Variants in EFCAB11 observed in about 807,000 individuals in gnomAD.
EFCAB11 encodes EF-hand calcium binding domain 11.
Under a neutral mutation model 23.0 loss-of-function variants are expected in EFCAB11, and 14 were observed. The observed-to-expected ratio is 0.61, with a 90% confidence interval of 0.40 to 0.95. EFCAB11 has a LOEUF of 0.95. Among genes scored for constraint, EFCAB11 ranks in the 40% least tolerant of loss-of-function variants. The pLI is 0.00. For missense variants in EFCAB11, 198 were observed against 195.8 expected, an observed-to-expected ratio of 1.01 and a Z score of -0.07; for synonymous variants, 65 against 66.6, an observed-to-expected ratio of 0.98 and a Z score of 0.11.
intron 5 of EFCAB11, among the ~76,000 whole-genome samples, chr14:89,828,414 G>A (rs1886774023): frequency 6.6e-6 from 1 of 152,072 alleles, no homozygotes; most frequent in Admixed American, 6.5e-5. Flanking sequence ...TTTTTCGTGA[G>A]AAAATACTTT....
At chr14:89,887,427 A>G (rs1888825963) in intron 5 of EFCAB11, among the ~76,000 whole-genome samples, 1 of 152,228 alleles carries the variant, frequency 6.6e-6, no homozygotes, top group Admixed American at 6.5e-5. Flanking sequence ...ACACAGGGCC[A>G]TTTATCATGT....
intron 5 of EFCAB11, among the ~76,000 whole-genome samples, chr14:89,817,994 AAAATAAAT>A (rs142381636): frequency 1.3e-5 from 2 of 150,798 alleles, no homozygotes; most frequent in South Asian, 2.1e-4. Flanking sequence ...ACTCTGTCTC[AAAATAAAT>A]AAATAAATAA....
chr14:89,925,909 AC>A (rs1239860980), intron 5 of EFCAB11, among the ~76,000 whole-genome samples: 1 of 151,624 alleles, frequency 6.6e-6, no homozygotes, highest in Non-Finnish European at 1.5e-5. Flanking sequence ...GCTCACTGCA[AC>A]CCCCGCCTCC....
In EFCAB11 at chr14:89,954,707, C is replaced by T. The variant is rs1891395637; in HGVS notation, c.-47G>A. ...CCAGCAACCCAACCAGCTACCACCG[C>T]TTTCCCAGCCTGGCTGGCAGCCTAC... is the stretch of plus-strand genomic sequence containing the variant. On this transcript the variant is annotated 5_prime_UTR_variant, in exon 1 of 6. Coordinates refer to ENST00000316738, the MANE Select transcript of EFCAB11 (RefSeq NM_145231.4). 1 of 1,587,582 alleles carries T rather than the reference C, an allele frequency of 6.3e-7. No individual in the cohort carries two copies. The highest frequency in any genetic ancestry group is 1.1e-5 in the South Asian group (1 of 88,836).
intron 5 of EFCAB11, among the ~76,000 whole-genome samples, chr14:89,839,241 C>T (rs1285298811): frequency 6.6e-6 from 1 of 152,122 alleles, no homozygotes; most frequent in African/African-American, 2.4e-5. Context: ...TTCTACCATC[C>T]AGTTAAGGAG....
intron 5 of EFCAB11, among the ~76,000 whole-genome samples, chr14:89,913,163 A>G (rs779569551): frequency 6.6e-6 from 1 of 152,158 alleles, no homozygotes; most frequent in Non-Finnish European, 1.5e-5. Flanking sequence ...ACTGCACATG[A>G]CAGGCCTGGT....
chr14:89,835,584 A>ATGTG (rs1566777555), intron 5 of EFCAB11, among the ~76,000 whole-genome samples: 6 of 73,406 alleles, frequency 8.2e-5, no homozygotes, highest in East Asian at 4.6e-4. Flanking sequence ...GGGATGCTCA[A>ATGTG]CGTGTGTGTG....
At chr14:89,833,484 T>C (rs888867803) in intron 5 of EFCAB11, among the ~76,000 whole-genome samples, 4 of 152,228 alleles carry the variant, frequency 2.6e-5, no homozygotes, top group African/African-American at 9.6e-5. Context: ...GATGAATGAA[T>C]AAACAAAGGA....
chr14:89,827,965 A>C (rs1359335550), intron 5 of EFCAB11, among the ~76,000 whole-genome samples: 2 of 152,044 alleles, frequency 1.3e-5, no homozygotes, highest in African/African-American at 4.8e-5. Context: ...TCTTCATATA[A>C]ACGTTTTCAT....
intron 3 of EFCAB11, among the ~76,000 whole-genome samples, chr14:89,946,621 G>A (rs1890994924): frequency 2.0e-5 from 3 of 152,082 alleles, no homozygotes; most frequent in Admixed American, 2.0e-4. Flanking sequence ...CGCCCAGGCT[G>A]GGGTGCTGTG....
chr14:89,928,575 T>C (rs1890265964), intron 5 of EFCAB11, among the ~76,000 whole-genome samples: 1 of 151,548 alleles, frequency 6.6e-6, no homozygotes, highest in African/African-American at 2.4e-5. Flanking sequence ...AAATTTGTTT[T>C]GTTTTCTTAA....
At chr14:89,952,640 T>C in intron 2 of EFCAB11, 1 of 979,298 alleles carries the variant, frequency 1.0e-6, no homozygotes, top group Non-Finnish European at 1.2e-6. Flanking sequence ...ATATTAATAC[T>C]TATTGTGCAT....
chr14:89,834,121 G>A (rs1441287294), intron 5 of EFCAB11, among the ~76,000 whole-genome samples: 1 of 148,450 alleles, frequency 6.7e-6, no homozygotes, highest in African/African-American at 2.4e-5. Flanking sequence ...TTGGGAGGCT[G>A]AGGCGGGCCT....
chr14:89,798,221 C>G (rs905741818), intron 5 of EFCAB11, among the ~76,000 whole-genome samples: 1 of 152,202 alleles, frequency 6.6e-6, no homozygotes, highest in Non-Finnish European at 1.5e-5. Context: ...TCTCTGAAGT[C>G]TATAATGGTT....
At chr14:89,902,002 G>A (rs953836310) in intron 5 of EFCAB11, among the ~76,000 whole-genome samples, 1 of 135,640 alleles carries the variant, frequency 7.4e-6, no homozygotes, top group African/African-American at 3.5e-5. Flanking sequence ...ATGCATTTCC[G>A]ATAAGGGCTA....
At chr14:89,820,144 G>A (rs569504452) in intron 5 of EFCAB11, among the ~76,000 whole-genome samples, 334 of 152,230 alleles carry the variant, frequency 2.2e-3, no homozygotes, top group Non-Finnish European at 3.6e-3. Flanking sequence ...CTAAAGACTG[G>A]AAGAGGCTAT....
At chr14:89,812,621 A>G (rs1193352245) in intron 5 of EFCAB11, among the ~76,000 whole-genome samples, 1 of 152,220 alleles carries the variant, frequency 6.6e-6, no homozygotes, top group Admixed American at 6.5e-5. Context: ...TGTCCTGGAA[A>G]GGTCACCTTG....
rs1336142734 is a variant in EFCAB11, at chr14:89,932,596, G to C, written c.249C>G (p.Val83=). The change falls in exon 4 of 6, where the codon GTC becomes GTG. Residue 83 remains valine (V), a synonymous_variant. Coordinates refer to ENST00000316738, the MANE Select transcript of EFCAB11 (RefSeq NM_145231.4). ...ATCGTTGAGCTTCCTTCTTTTTCCT[G>C]ACAATATTTAAAAACCCCTCGAGTA... ...GILLEGFLNI[V]RKKKEAQRYR... is the part of the protein sequence containing the mutation. The C allele has an allele frequency of 3.7e-6, 6 of 1,613,572 alleles. No individual in the cohort carries two copies. The African/African-American group carries it at 5.3e-5, about 14-fold the overall frequency.
At chr14:89,938,982 A>AC (rs1890692177) in intron 3 of EFCAB11, among the ~76,000 whole-genome samples, 1 of 152,010 alleles carries the variant, frequency 6.6e-6, no homozygotes, top group African/African-American at 2.4e-5. Flanking sequence ...AAAAAAAAAA[A>AC]AAAAAACCAG....
Sources: allele counts gnomAD v4.1 joint callset (sites outside exome capture counted in the v4.1 genomes callset), GRCh38; gene constraint gnomAD v4.1.1; transcripts MANE v1.5; gene names NCBI Gene and HGNC (gene_info 2026-07-23, HGNC 2026-07-21).